Variants in EGFR observed in about 807,000 individuals in gnomAD.
EGFR encodes the protein avian erythroblastic leukemia viral (v-erb-b) oncogene homolog.
A neutral mutation model predicts 143.0 loss-of-function variants in EGFR; 58 were observed. That is an observed-to-expected ratio of 0.41 (90% CI 0.33 to 0.50). The LOEUF is 0.50. Among genes scored for constraint, EGFR ranks in the 20% least tolerant of loss-of-function variants. The pLI is 0.39. For missense variants in EGFR, 1,307 were observed against 1,579.0 expected, an observed-to-expected ratio of 0.83 and a Z score of 2.92; for synonymous variants, 613 against 594.4, an observed-to-expected ratio of 1.03 and a Z score of -0.45.
Position 55,210,937 on chromosome 7 carries a change from A to G in EGFR, c.*5320A>G, listed in dbSNP as rs1217361361. ...CAAAAGGCAGATTTCAAGAGGATTGAGTAAGTAGTTGGATGGCTTTCATAA... is the reference window on the plus strand; with the variant it reads ...CAAAAGGCAGATTTCAAGAGGATTGGGTAAGTAGTTGGATGGCTTTCATAA... On this transcript the variant is annotated 3_prime_UTR_variant, in exon 28 of 28. Coordinates refer to ENST00000275493, the MANE Select transcript of EGFR (RefSeq NM_005228.5). The G allele has an allele frequency of 6.6e-6, 1 of 152,244 alleles. No homozygotes were observed. The highest frequency in any genetic ancestry group is 6.5e-5 in the Admixed American group (1 of 15,284). 9.4% of individuals were successfully genotyped at this position (152,244 alleles called of 1,614,324 possible).
rs995124066 is a variant in EGFR at position 55,184,344 on chromosome 7, G to A, written c.2469+2866G>A. 6.6e-5 allele frequency among the ~76,000 whole-genome samples: 10 copies of A among 152,238 alleles called. No homozygotes were observed. The South Asian group carries it at 1.0e-3, about 16-fold the overall frequency. ...TCTGTGCCAACCCTCATTCCCTGGC[G>A]CAGCATGACCATCACATGCCCGCCA... is the stretch of plus-strand genomic sequence containing the variant. On this transcript the variant is annotated intron_variant, in intron 20 of 27. Coordinates refer to ENST00000275493, the MANE Select transcript of EGFR (RefSeq NM_005228.5).
intron 1 of EGFR, among the ~76,000 whole-genome samples, chr7:55,055,882 C>T (rs1273995131): frequency 3.3e-5 from 5 of 152,128 alleles, no homozygotes; most frequent in Non-Finnish European, 7.3e-5. Context: ...GCGTCTTCCA[C>T]TTGCCATGTT....
intron 13 of EGFR, among the ~76,000 whole-genome samples, chr7:55,162,931 C>T (rs1562773292): frequency 2.6e-5 from 4 of 152,238 alleles, no homozygotes; most frequent in Non-Finnish European, 5.9e-5. Flanking sequence ...GCTGGAATTA[C>T]AGGTGTGCAC....
chr7:55,139,666 A>C (rs1057488697), intron 1 of EGFR, among the ~76,000 whole-genome samples: 2 of 152,198 alleles, frequency 1.3e-5, no homozygotes, highest in Non-Finnish European at 2.9e-5. Context: ...AAGTATAGAC[A>C]TGTTGGGTAA....
At chr7:55,157,625 A>G in intron 10 of EGFR, 38 bp from the exon 11 acceptor site, 1 of 1,569,108 alleles carries the variant, frequency 6.4e-7, no homozygotes, top group African/African-American at 1.3e-5. Flanking sequence ...AGAAACTCCT[A>G]CGTGGTGTGT....
rs17290371 is a variant in EGFR at position 55,174,923 on chromosome 7, C to T, written c.2283+103C>T. 9.2e-3 allele frequency: 8,021 copies of T among 867,208 alleles called. 272 individuals are homozygous for T. Among genetic ancestry groups the T allele is most frequent in the Admixed American group, 0.075 (3,992 of 53,000 alleles). The allele number at this position is 867,208 out of a possible 1,614,324, so 53.7% of individuals were successfully genotyped here. A position where few individuals can be genotyped will look rare whatever the true frequency, so the allele number is the denominator to read the frequency against. On this transcript the variant is annotated intron_variant, in intron 19 of 27. Transcript: ENST00000275493. ...CTGCTCTAGACCCTGCTCATCTCCA[C>T]ATCCTAAATGTTCACTTTCTATGTC...
In EGFR at chr7:55,187,435, T is replaced by C. The variant is rs550672767; in HGVS notation, c.2470-4284T>C. Among the ~76,000 whole-genome samples the C allele has an allele frequency of 2.0e-5, 3 of 152,272 alleles. No individual in the cohort carries two copies. In the East Asian group the frequency reaches 5.8e-4, roughly 29 times the overall value. On this transcript the variant is annotated intron_variant, in intron 20 of 27. Transcript: ENST00000275493. Reference sequence around the variant, plus strand: ...GGTGGCCTGGTTCCATGGTGCAGCCTCTCAGCCTGCATGGATGCCCCAGCT... The same window carrying C: ...GGTGGCCTGGTTCCATGGTGCAGCCCCTCAGCCTGCATGGATGCCCCAGCT...
intron 1 of EGFR, among the ~76,000 whole-genome samples, chr7:55,087,522 T>C (rs1790842350): frequency 6.6e-6 from 1 of 152,184 alleles, no homozygotes; most frequent in Non-Finnish European, 1.5e-5. Context: ...ACATGGGTTG[T>C]GTGTAAAATG....
chr7:55,106,602 G>A (rs1208458515), intron 1 of EGFR, among the ~76,000 whole-genome samples: 1 of 152,114 alleles, frequency 6.6e-6, no homozygotes, highest in East Asian at 1.9e-4. Context: ...ACAATCCACA[G>A]GCCTGAAGGA....
chr7:55,131,036 G>GA (rs1793801481), intron 1 of EGFR, among the ~76,000 whole-genome samples: 1 of 152,218 alleles, frequency 6.6e-6, no homozygotes, highest in African/African-American at 2.4e-5. Flanking sequence ...GTCTGACTAA[G>GA]GGGCCAGGTG....
intron 1 of EGFR, among the ~76,000 whole-genome samples, chr7:55,038,122 G>T (rs921369191): frequency 6.6e-6 from 1 of 152,168 alleles, no homozygotes; most frequent in Non-Finnish European, 1.5e-5. Flanking sequence ...AAAGCGGGGG[G>T]GTGGAGCCAC....
chr7:55,128,522 T>G (rs1257050294), intron 1 of EGFR, among the ~76,000 whole-genome samples: 1 of 152,214 alleles, frequency 6.6e-6, no homozygotes, highest in Admixed American at 6.5e-5. Context: ...AAGTAGGAAT[T>G]TTTTAAAGAA....
intron 1 of EGFR, among the ~76,000 whole-genome samples, chr7:55,140,315 T>A (rs1794390184): frequency 6.6e-6 from 1 of 152,124 alleles, no homozygotes; most frequent in African/African-American, 2.4e-5. Flanking sequence ...AGGAAACTCT[T>A]CTGCAACGTG....
At chr7:55,099,347 G>A (rs1791667938) in intron 1 of EGFR, among the ~76,000 whole-genome samples, 1 of 152,202 alleles carries the variant, frequency 6.6e-6, no homozygotes, top group Non-Finnish European at 1.5e-5. Context: ...CATGAGATGG[G>A]TGAGTTTTTC....
intron 1 of EGFR, among the ~76,000 whole-genome samples, chr7:55,137,334 C>T (rs1375683348): frequency 2.0e-5 from 3 of 152,178 alleles, no homozygotes; most frequent in South Asian, 2.1e-4. Flanking sequence ...TTATAGTTTA[C>T]TTAGACGATT....
intron 1 of EGFR, among the ~76,000 whole-genome samples, chr7:55,128,121 C>G (rs1248386523): frequency 2.0e-5 from 3 of 152,188 alleles, no homozygotes; most frequent in Admixed American, 6.5e-5. Context: ...GCTTTCTAGA[C>G]CCAGGGACTT....
chr7:55,198,389 T>C (rs1336843457), intron 22 of EGFR, among the ~76,000 whole-genome samples: 2 of 152,202 alleles, frequency 1.3e-5, no homozygotes, highest in African/African-American at 2.4e-5. Context: ...ATAATACTTA[T>C]GCTAGTAGAG....
rs1785724580 is a variant in EGFR at position 55,161,881 on chromosome 7, T to C, written c.1631+250T>C. Among the ~76,000 whole-genome samples the C allele has an allele frequency of 2.6e-5, 4 of 152,348 alleles. No individual in the cohort carries two copies. The South Asian group carries it at 8.3e-4, about 32-fold the overall frequency. On this transcript the variant is annotated intron_variant, in intron 13 of 27. Coordinates refer to ENST00000275493, the MANE Select transcript of EGFR (RefSeq NM_005228.5). ...AATCCAATAATTTATAGAATCTCTT[T>C]TCCTGGAAGTATCTTAAATTTTTCT... is the stretch of plus-strand genomic sequence containing the variant.
intron 20 of EGFR, among the ~76,000 whole-genome samples, chr7:55,187,523 G>A (rs941625976): frequency 3.9e-5 from 6 of 152,236 alleles, no homozygotes; most frequent in Middle Eastern, 3.4e-3. Context: ...CAGGGTGCCC[G>A]TGCTGCACCA....
Sources: allele counts gnomAD v4.1 joint callset (sites outside exome capture counted in the v4.1 genomes callset), GRCh38; gene constraint gnomAD v4.1.1; transcripts MANE v1.5; gene names NCBI Gene and HGNC (gene_info 2026-07-23, HGNC 2026-07-21).